The following ILDR1 variants were observed in gnomAD, a reference collection of about 807,000 sequenced individuals.
ILDR1 encodes the protein immunoglobulin-like domain-containing receptor 1.
In ILDR1, 56 loss-of-function variants were observed where a neutral mutation model predicts 62.4. The ratio of observed to expected loss-of-function variants is 0.90; its 90% CI spans 0.72 to 1.12. The LOEUF (loss-of-function observed/expected upper bound fraction) is 1.12, where lower values mean the gene tolerates loss of function less well. Ranked by LOEUF, ILDR1 falls within the 50% of genes most tolerant of loss-of-function variation. The pLI is 0.00. For missense variants in ILDR1, 736 were observed against 710.6 expected (o/e 1.04, Z -0.41); for synonymous variants, 284 against 277.8 (o/e 1.02, Z -0.22).
chr3:122,044,582 C>T, the ILDR1 span, among the ~76,000 whole-genome samples: 1 of 151,392 alleles, frequency 6.6e-6, no homozygotes, highest in African/African-American at 2.4e-5. Context: ...TTGATTATTG[C>T]CACAATTTCA....
chr3:121,988,286 C>T lies in ILDR1; in HGVS notation c.*81G>A. Reference sequence around the variant, plus strand: ...CTGTTAGACTCAGACTTGCAGTTCCCAAGTCAGCTGGAAACCTAGGTGATG... The same window carrying T: ...CTGTTAGACTCAGACTTGCAGTTCCTAAGTCAGCTGGAAACCTAGGTGATG... On this transcript the variant is annotated 3_prime_UTR_variant, in exon 8 of 8. Coordinates refer to ENST00000344209, the MANE Select transcript of ILDR1 (RefSeq NM_001199799.2). 1.7e-6 allele frequency: 2 copies of T among 1,196,036 alleles called. No individual in the cohort carries two copies. The highest frequency in any genetic ancestry group is 2.5e-6 in the Non-Finnish European group (2 of 798,646). 74.1% of individuals were successfully genotyped at this position (1,196,036 alleles called of 1,614,324 possible). A position where few individuals can be genotyped will look rare whatever the true frequency, so the allele number is the denominator to read the frequency against.
the ILDR1 span, among the ~76,000 whole-genome samples, chr3:122,047,467 T>C: frequency 6.6e-6 from 1 of 152,242 alleles, no homozygotes; most frequent in Non-Finnish European, 1.5e-5. Flanking sequence ...CTGGCTGCTT[T>C]GTTTACCTAA....
the ILDR1 span, among the ~76,000 whole-genome samples, chr3:122,048,114 G>T: frequency 6.6e-6 from 1 of 152,152 alleles, no homozygotes; most frequent in Non-Finnish European, 1.5e-5. Flanking sequence ...TTATGTTGAG[G>T]TAAATTCCTT....
chr3:122,017,496 A>T (rs1185329022), intron 1 of ILDR1, among the ~76,000 whole-genome samples: 1 of 152,224 alleles, frequency 6.6e-6, no homozygotes, highest in Non-Finnish European at 1.5e-5. Context: ...TTGGGGCAAG[A>T]TGTTTAAACA....
chr3:122,004,171 A>G (rs373631830), intron 3 of ILDR1, among the ~76,000 whole-genome samples: 41 of 152,334 alleles, frequency 2.7e-4, no homozygotes, highest in African/African-American at 9.6e-4. Flanking sequence ...TGAGTGGCCC[A>G]CTGGGTGTAT....
upstream of ILDR1, among the ~76,000 whole-genome samples, chr3:122,022,901 A>C (rs2071883359): frequency 6.7e-6 from 1 of 149,686 alleles, no homozygotes; most frequent in Non-Finnish European, 1.5e-5. Flanking sequence ...CGACAGAGCG[A>C]AACTCGGTCT....
the ILDR1 span, among the ~76,000 whole-genome samples, chr3:122,047,566 A>T: frequency 7.9e-4 from 120 of 152,210 alleles, no homozygotes; most frequent in Non-Finnish European, 1.5e-3. Context: ...AGTCAGCGAG[A>T]TTCCGTGGGC....
the ILDR1 span, among the ~76,000 whole-genome samples, chr3:122,048,017 C>T: frequency 6.6e-6 from 1 of 152,222 alleles, no homozygotes; most frequent in African/African-American, 2.4e-5. Flanking sequence ...AGTAGGCAGA[C>T]TTACCTTGTT....
intron 7 of ILDR1, 48 bp from the exon 8 acceptor site, chr3:121,988,456 TC>T (rs1178734583): frequency 2.1e-6 from 3 of 1,463,340 alleles, no homozygotes; most frequent in Non-Finnish European, 2.9e-6. Context: ...GTCAGTGCAA[TC>T]CGTCTATGCA....
chr3:122,013,739 A>G (rs2071736331), intron 1 of ILDR1, among the ~76,000 whole-genome samples: 1 of 152,160 alleles, frequency 6.6e-6, no homozygotes, highest in African/African-American at 2.4e-5. Context: ...GGGAGAGCAG[A>G]GAGAGGAGAC....
Position 122,005,207 on chromosome 3 carries a change from C to A in ILDR1, c.379+37G>T, listed in dbSNP as rs766513369. ...CCAGGCCTGGTGTCTGCACCTCCCCCCACCCCCAGTTCCCCTGACACCTCC... is the reference window on the plus strand; with the variant it reads ...CCAGGCCTGGTGTCTGCACCTCCCCACACCCCCAGTTCCCCTGACACCTCC... On this transcript the variant is annotated intron_variant, in intron 3 of 7. Coordinates refer to ENST00000344209, the MANE Select transcript of ILDR1 (RefSeq NM_001199799.2). 5 of 1,290,146 alleles carry A rather than the reference C, an allele frequency of 3.9e-6. No individual in the cohort carries two copies. In the East Asian group the frequency reaches 9.5e-5, roughly 24 times the overall value. The allele number at this position is 1,290,146 out of a possible 1,614,324, so 79.9% of individuals were successfully genotyped here.
chr3:122,013,250 A>C (rs1576733442), intron 1 of ILDR1, among the ~76,000 whole-genome samples: 1 of 152,216 alleles, frequency 6.6e-6, no homozygotes, highest in East Asian at 1.9e-4. Context: ...AGTTTGTAGA[A>C]GATACTCACA....
At chr3:121,999,706 G>T (rs2071488878) in intron 5 of ILDR1, among the ~76,000 whole-genome samples, 1 of 152,078 alleles carries the variant, frequency 6.6e-6, no homozygotes, top group Admixed American at 6.5e-5. Context: ...ACCCCCTCTT[G>T]GCCAAGGGGA....
the ILDR1 span, among the ~76,000 whole-genome samples, chr3:122,045,747 A>AT: frequency 6.9e-6 from 1 of 144,012 alleles, no homozygotes; most frequent in Non-Finnish European, 1.6e-5. Flanking sequence ...CAACCCCTGC[A>AT]TTTTTTTGTT....
the ILDR1 span, among the ~76,000 whole-genome samples, chr3:122,045,251 G>A: frequency 6.0e-5 from 9 of 148,950 alleles, no homozygotes; most frequent in Non-Finnish European, 3.0e-5. Context: ...TTAATCCTGA[G>A]TTCTAGTTTG....
chr3:122,021,847 C>T (rs1265456909), intron 1 of ILDR1, among the ~76,000 whole-genome samples, 173 bp downstream of exon 1: 2 of 152,244 alleles, frequency 1.3e-5, no homozygotes, highest in Non-Finnish European at 2.9e-5. Flanking sequence ...GCAACAGGTT[C>T]CCACAGGCAG....
upstream of ILDR1, among the ~76,000 whole-genome samples, chr3:122,026,637 T>C (rs2071923670): frequency 1.3e-5 from 2 of 152,184 alleles, no homozygotes; most frequent in Non-Finnish European, 2.9e-5. Context: ...TTGTAGGAGC[T>C]GCATGCCTGT....
chr3:122,009,894 A>G (rs1308063751), intron 1 of ILDR1, among the ~76,000 whole-genome samples: 1 of 152,202 alleles, frequency 6.6e-6, no homozygotes, highest in East Asian at 1.9e-4. Flanking sequence ...GCTGCTCAGG[A>G]CAGGCACTCA....
the ILDR1 span, among the ~76,000 whole-genome samples, chr3:122,050,759 T>C: frequency 6.6e-6 from 1 of 152,178 alleles, no homozygotes; most frequent in Non-Finnish European, 1.5e-5. Context: ...TTCATGTTTT[T>C]GTATTGCTGT....
Sources: gnomAD v4.1 joint callset for allele counts (sites outside exome capture counted in the v4.1 genomes callset) on GRCh38, gnomAD v4.1.1 for gene constraint, MANE v1.5 for transcripts, NCBI Gene and HGNC (gene_info 2026-07-23, HGNC 2026-07-21) for gene names.